The following GDPD5 variants were observed in gnomAD, a reference collection of about 807,000 sequenced individuals.
GDPD5 encodes the protein glycerophosphodiester phosphodiesterase domain containing 5, also known as glycerophosphodiester phosphodiesterase 2.
A neutral mutation model predicts 75.1 loss-of-function variants in GDPD5; 48 were observed. That is an observed-to-expected ratio of 0.64 (90% CI 0.51 to 0.81). GDPD5 has a LOEUF of 0.81. GDPD5 is among the 40% of genes least tolerant of loss of function. GDPD5 has a pLI of 0.00. For synonymous variants in GDPD5, 336 were observed against 339.0 expected, an observed-to-expected ratio of 0.99 and a Z score of 0.10; for missense variants, 706 against 822.6, an observed-to-expected ratio of 0.86 and a Z score of 1.73.
chr11:75,448,783 G>T (rs1949052493), intron 9 of GDPD5, 194 bp downstream of exon 9: 4 of 1,183,966 alleles, frequency 3.4e-6, no homozygotes, highest in African/African-American at 1.6e-5. Flanking sequence ...AATCTTTTTA[G>T]CAAGATGCCT....
rs192443357 is a variant in GDPD5 at position 75,459,749 on chromosome 11, G to T, written c.222-1963C>A. On this transcript the variant is annotated intron_variant, in intron 4 of 16. Coordinates refer to ENST00000336898, the MANE Select transcript of GDPD5 (RefSeq NM_030792.8). Reference sequence around the variant, plus strand: ...GGCGTGAACCTGGGAGGCGGAGCTTGCAGTGAGCTGAGATCATACCACTGC... The same window carrying T: ...GGCGTGAACCTGGGAGGCGGAGCTTTCAGTGAGCTGAGATCATACCACTGC... Among the ~76,000 whole-genome samples the T allele has an allele frequency of 3.8e-3, 577 of 150,684 alleles. 3 individuals carry two copies. The highest frequency in any genetic ancestry group is 0.013 in the African/African-American group (551 of 40,878).
chr11:75,467,269 C>T (rs1036182715), intron 3 of GDPD5, among the ~76,000 whole-genome samples: 5 of 152,184 alleles, frequency 3.3e-5, no homozygotes, highest in East Asian at 1.9e-4. Flanking sequence ...GCCCTTCCCT[C>T]GGAGGGAGGC....
At chr11:75,520,608 G>A (rs923790767) in intron 1 of GDPD5, among the ~76,000 whole-genome samples, 3 of 152,186 alleles carry the variant, frequency 2.0e-5, no homozygotes, top group Non-Finnish European at 2.9e-5. Flanking sequence ...AGCAGAGGAG[G>A]CTTGGATCCC....
At chr11:75,487,235 G>A (rs954446) in intron 2 of GDPD5, among the ~76,000 whole-genome samples, 5,511 of 152,240 alleles carry the variant, frequency 0.036, 254 homozygotes, top group African/African-American at 0.099. Flanking sequence ...AGAGATCCCC[G>A]GCTGCCACCA....
chr11:75,524,863 T>A (rs894296122), intron 1 of GDPD5, among the ~76,000 whole-genome samples: 1 of 152,144 alleles, frequency 6.6e-6, no homozygotes, highest in African/African-American at 2.4e-5. Context: ...GCTCTGCCTC[T>A]TCCCCCTCTA....
At chr11:75,466,486 C>T (rs966687139) in intron 3 of GDPD5, among the ~76,000 whole-genome samples, 22 of 152,236 alleles carry the variant, frequency 1.4e-4, no homozygotes, top group Admixed American at 9.8e-4. Context: ...GAGGCCTGCC[C>T]GCTCCACCCA....
At chr11:75,512,964 GT>G (rs1382888212) in intron 1 of GDPD5, among the ~76,000 whole-genome samples, 2 of 152,210 alleles carry the variant, frequency 1.3e-5, no homozygotes, top group Non-Finnish European at 2.9e-5. Context: ...GTTTCTTACA[GT>G]TTATATGAAT....
intron 10 of GDPD5, among the ~76,000 whole-genome samples, chr11:75,443,517 G>A (rs492309): frequency 0.54 from 81,933 of 151,946 alleles, 23,668 homozygotes; most frequent in East Asian, 0.78. Context: ...GGTGGGGACT[G>A]CCAAGGAGGG....
chr11:75,524,864 T>C (rs1012790145), intron 1 of GDPD5, among the ~76,000 whole-genome samples: 2 of 152,036 alleles, frequency 1.3e-5, no homozygotes, highest in Non-Finnish European at 2.9e-5. Flanking sequence ...CTCTGCCTCT[T>C]CCCCCTCTAT....
intron 3 of GDPD5, among the ~76,000 whole-genome samples, chr11:75,476,232 T>C (rs982079714): frequency 1.3e-5 from 2 of 151,860 alleles, no homozygotes; most frequent in African/African-American, 4.8e-5. Flanking sequence ...TCACAACCTA[T>C]CTCCCATTTC....
chr11:75,467,458 A>G (rs1214431934), intron 3 of GDPD5, among the ~76,000 whole-genome samples: 2 of 152,140 alleles, frequency 1.3e-5, no homozygotes, highest in East Asian at 3.9e-4. Context: ...AGAAGGAGGT[A>G]TGGATGTGAG....
At position 75,435,380 on chromosome 11, in the gene GDPD5, G is replaced by T. The variant is rs1454132952; in HGVS notation, c.*127C>A. ...TCAAGAGAGGCTGCGGCTGACAAGG[G>T]GCTGGAGCCCACAAGGAGGCTGTGG... On this transcript the variant is annotated 3_prime_UTR_variant, in exon 17 of 17. Coordinates refer to ENST00000336898, the MANE Select transcript of GDPD5 (RefSeq NM_030792.8). 3.5e-6 allele frequency: 3 copies of T among 868,210 alleles called. No individual in the cohort carries two copies. The highest frequency in any genetic ancestry group is 3.4e-5 in the African/African-American group (2 of 59,292). The allele number at this position is 868,210 out of a possible 1,614,324, so 53.8% of individuals were successfully genotyped here. A position where few individuals can be genotyped will look rare whatever the true frequency, so the allele number is the denominator to read the frequency against.
chr11:75,474,037 G>T (rs1211105644), intron 3 of GDPD5, among the ~76,000 whole-genome samples: 1 of 152,212 alleles, frequency 6.6e-6, no homozygotes, highest in African/African-American at 2.4e-5. Flanking sequence ...AAGTAATCAG[G>T]GCACCCCAGA....
At chr11:75,453,921 TAC>T (rs1949231122) in intron 6 of GDPD5, among the ~76,000 whole-genome samples, 1 of 152,142 alleles carries the variant, frequency 6.6e-6, no homozygotes. Context: ...AATATATAAT[TAC>T]CAAGTGACAC....
intron 2 of GDPD5, among the ~76,000 whole-genome samples, chr11:75,481,508 G>A (rs1949918562): frequency 6.6e-6 from 1 of 152,162 alleles, no homozygotes; most frequent in Admixed American, 6.5e-5. Context: ...GCTTCCCTGA[G>A]CCAGGGCCTG....
In GDPD5 at chr11:75,442,409, T is replaced by C. The variant is rs143278799; in HGVS notation, c.1121A>G (p.Asn374Ser). 220 of 1,598,342 alleles carry C rather than the reference T, an allele frequency of 1.4e-4. No homozygotes were observed. The highest frequency in any genetic ancestry group is 1.8e-4 in the Non-Finnish European group (206 of 1,172,780). ...GTGCAGCACGGCCTCCAGAGTCACG[T>C]TGATAAAACTGCTGCGGTAGGGGTG... ...REHPYRSSFI[N>S]VTLEAVLHSG... is the part of the protein sequence containing the mutation. Residue 374 changes from asparagine (N) to serine (S), a missense_variant, in exon 12 of 17, where the codon AAC (asparagine) becomes AGC (serine). Physicochemically the swap from Asn to Ser is conservative, Grantham distance 46. Coordinates refer to ENST00000336898, the MANE Select transcript of GDPD5 (RefSeq NM_030792.8).
At chr11:75,511,034 A>G (rs1373360476) in intron 1 of GDPD5, among the ~76,000 whole-genome samples, 11 of 152,252 alleles carry the variant, frequency 7.2e-5, no homozygotes, top group Non-Finnish European at 1.6e-4. Context: ...CTGTGGGGGA[A>G]AAATGAAATG....
chr11:75,440,314 G>A (rs987325173), intron 14 of GDPD5, among the ~76,000 whole-genome samples: 25 of 152,202 alleles, frequency 1.6e-4, no homozygotes, highest in South Asian at 8.3e-4. Context: ...CCCCGCTGCC[G>A]ACTCTCATCC....
At chr11:75,458,299 T>C (rs887106412) in intron 4 of GDPD5, among the ~76,000 whole-genome samples, 2 of 152,142 alleles carry the variant, frequency 1.3e-5, no homozygotes, top group Admixed American at 6.5e-5. Context: ...GATGTGAAAA[T>C]TGGGGGTCTT....
Sources: gnomAD v4.1 joint callset for allele counts (sites outside exome capture counted in the v4.1 genomes callset) on GRCh38, gnomAD v4.1.1 for gene constraint, MANE v1.5 for transcripts, NCBI Gene and HGNC (gene_info 2026-07-23, HGNC 2026-07-21) for gene names.